Variants in POTEH observed in about 807,000 individuals in gnomAD.
The protein encoded by POTEH is ANKRD26-like family C member 3.
A neutral mutation model predicts 41.7 loss-of-function variants in POTEH; 6 were observed. That is an observed-to-expected ratio of 0.14 (90% confidence interval 0.08 to 0.28). The LOEUF (loss-of-function observed/expected upper bound fraction) is 0.28. POTEH is among the 10% of genes least tolerant of loss of function. The pLI, the probability that POTEH is intolerant of heterozygous loss-of-function variation, is 1.00. For synonymous variants in POTEH, 38 were observed against 179.9 expected, an observed-to-expected ratio of 0.21 and a Z score of 6.31; for missense variants, 115 against 533.5, an observed-to-expected ratio of 0.22 and a Z score of 7.73.
intron 1 of POTEH, among the ~76,000 whole-genome samples, chr22:15,692,858 A>C (rs1989358782): frequency 7.7e-6 from 1 of 129,116 alleles, no homozygotes; most frequent in Non-Finnish European, 1.8e-5. Context: ...CAGCTTTTCA[A>C]ACAGGCACTT....
intron 10 of POTEH, 80 bp downstream of exon 10, chr22:15,719,858 TA>T: frequency 4.1e-6 from 1 of 241,106 alleles, no homozygotes; most frequent in East Asian, 1.0e-4. Context: ...AAAGGATTTT[TA>T]AGTCATATAT....
chr22:15,692,009 A>ATATATATATATAAATAAAAC (rs1421248855), intron 1 of POTEH, among the ~76,000 whole-genome samples: 10 of 128,514 alleles, frequency 7.8e-5, no homozygotes, highest in South Asian at 2.8e-4. Flanking sequence ...TATATATATA[A>ATATATATATATAAATAAAAC]ATTTCTTTTT....
chr22:15,693,410 C>G (rs2056474715), intron 1 of POTEH, among the ~76,000 whole-genome samples: 1 of 152,116 alleles, frequency 6.6e-6, no homozygotes, highest in Non-Finnish European at 1.5e-5. Context: ...GAACTTTTAC[C>G]CTCTTCAGAA....
chr22:15,692,009 A>ATATATATATATATAAATAAAAC (rs1421248855), intron 1 of POTEH, among the ~76,000 whole-genome samples: 19 of 128,396 alleles, frequency 1.5e-4, no homozygotes, highest in Non-Finnish European at 2.5e-4. Flanking sequence ...TATATATATA[A>ATATATATATATATAAATAAAAC]ATTTCTTTTT....
intron 1 of POTEH, among the ~76,000 whole-genome samples, chr22:15,691,578 G>C (rs1179658439): frequency 2.2e-5 from 3 of 137,352 alleles, no homozygotes; most frequent in Admixed American, 7.6e-5. Context: ...TTTTACTTAA[G>C]CCAAATAAAA....
chr22:15,692,448 C>G (rs1312453576), intron 1 of POTEH, among the ~76,000 whole-genome samples: 1 of 147,076 alleles, frequency 6.8e-6, no homozygotes, highest in African/African-American at 2.5e-5. Context: ...ATACTGTTTT[C>G]TATTTAAGTT....
intron 9 of POTEH, among the ~76,000 whole-genome samples, chr22:15,713,551 G>A (rs1989864628): frequency 6.6e-6 from 1 of 152,154 alleles, no homozygotes; most frequent in Non-Finnish European, 1.5e-5. Context: ...CTAGGCTGGT[G>A]TTCATTGGCA....
At chr22:15,695,976 G>T (rs1601495285) in intron 3 of POTEH, among the ~76,000 whole-genome samples, 158 bp downstream of exon 3, 1 of 44,902 alleles carries the variant, frequency 2.2e-5, no homozygotes, top group African/African-American at 7.5e-5. Context: ...TTTAAATATT[G>T]TTACTTTCAA....
intron 1 of POTEH, among the ~76,000 whole-genome samples, chr22:15,692,104 C>T (rs1989334052): frequency 7.6e-6 from 1 of 131,558 alleles, no homozygotes; most frequent in Non-Finnish European, 1.7e-5. Flanking sequence ...CTCATAGGTT[C>T]AAGCAATTCT....
intron 9 of POTEH, among the ~76,000 whole-genome samples, chr22:15,713,325 GAGGGCAT>G (rs1989858708): frequency 6.6e-6 from 1 of 152,302 alleles, no homozygotes; most frequent in Admixed American, 6.5e-5. Context: ...TGAGCCAATG[GAGGGCAT>G]CTTCTCCCTA....
intron 1 of POTEH, among the ~76,000 whole-genome samples, chr22:15,692,805 A>G (rs1297337277): frequency 7.7e-6 from 1 of 130,080 alleles, no homozygotes; most frequent in African/African-American, 2.8e-5. Context: ...ATGAGGATGA[A>G]TAACAGTGGT....
chr22:15,691,859 C>G (rs1989320826), intron 1 of POTEH, among the ~76,000 whole-genome samples: 1 of 148,868 alleles, frequency 6.7e-6, no homozygotes. Context: ...GTTCATAATT[C>G]ATTTTTGGAG....
At position 15,719,782 on chromosome 22, in the gene POTEH, TTTAG is replaced by T. The variant is rs1989989703; in HGVS notation, c.*1+8_*1+11del. On this transcript the variant is annotated splice_donor_5th_base_variant and intron_variant, in intron 10 of 10. Transcript: ENST00000343518. ...GTGGCTGAAAATGAATTCTGAGGTATTTAGTTATTTTCAAATGTTTTTATATGTG... is the reference window on the plus strand; with the variant it reads ...GTGGCTGAAAATGAATTCTGAGGTATTTATTTTCAAATGTTTTTATATGTG... 4.3e-6 allele frequency: 2 copies of T among 466,472 alleles called. No homozygotes were observed. Among genetic ancestry groups the T allele is most frequent in the African/African-American group, 2.9e-5 (1 of 34,456 alleles). 28.9% of individuals were successfully genotyped at this position (466,472 alleles called of 1,614,324 possible).
chr22:15,708,527 A>AT (rs1313783650), intron 7 of POTEH, among the ~76,000 whole-genome samples: 1 of 121,212 alleles, frequency 8.3e-6, no homozygotes, highest in African/African-American at 3.5e-5. Flanking sequence ...AAAAAAAAAA[A>AT]AAAAAAAAAA....
chr22:15,704,088 T>G (rs1342140651), intron 6 of POTEH, among the ~76,000 whole-genome samples: 4 of 150,870 alleles, frequency 2.7e-5, no homozygotes, highest in South Asian at 2.1e-4. Flanking sequence ...TTATGATTTA[T>G]TATATATTGA....
intron 1 of POTEH, among the ~76,000 whole-genome samples, chr22:15,691,941 A>T (rs1989324417): frequency 6.8e-6 from 1 of 146,952 alleles, no homozygotes; most frequent in East Asian, 2.0e-4. Flanking sequence ...AAAAAGAGAA[A>T]CATACCAGAA....
intron 1 of POTEH, among the ~76,000 whole-genome samples, chr22:15,692,198 G>A (rs1194062867): frequency 1.5e-5 from 2 of 135,146 alleles, no homozygotes; most frequent in African/African-American, 5.2e-5. Context: ...GTAGAGATGG[G>A]GTTTCACCAT....
At chr22:15,712,899 T>C (rs543686743) in intron 9 of POTEH, among the ~76,000 whole-genome samples, 11 of 148,480 alleles carry the variant, frequency 7.4e-5, no homozygotes, top group Non-Finnish European at 1.3e-4. Flanking sequence ...AAAATGATAA[T>C]CAGCTTATGT....
chr22:15,708,513 CAAAAAAAAAAAAA>C (rs1165699401), intron 7 of POTEH, among the ~76,000 whole-genome samples: 3 of 7,240 alleles, frequency 4.1e-4, no homozygotes, highest in Admixed American at 2.0e-3. Flanking sequence ...GACTCTGTGT[CAAAAAAAAAAAAA>C]AAAAAAAAAA....
Sources: gnomAD v4.1 joint callset for allele counts (sites outside exome capture counted in the v4.1 genomes callset) on GRCh38, gnomAD v4.1.1 for gene constraint, MANE v1.5 for transcripts, NCBI Gene and HGNC (gene_info 2026-07-23, HGNC 2026-07-21) for gene names.